CNTNAP2: variants seen among roughly 807,000 people sequenced by gnomAD.
CNTNAP2 encodes contactin associated protein 2.
A neutral mutation model predicts 155.2 loss-of-function variants in CNTNAP2; 98 were observed. That is an observed-to-expected ratio of 0.63 (90% confidence interval 0.54 to 0.75). The LOEUF (loss-of-function observed/expected upper bound fraction) is 0.75. Ranked by LOEUF, CNTNAP2 falls within the 30% of genes least tolerant of loss-of-function variation. CNTNAP2 has a pLI of 0.00. For missense variants in CNTNAP2, 1,727 were observed against 1,688.1 expected (o/e 1.02, Z -0.40); for synonymous variants, 651 against 631.2 (o/e 1.03, Z -0.47).
intron 13 of CNTNAP2, among the ~76,000 whole-genome samples, chr7:147,708,662 G>A (rs1006549541): frequency 6.6e-6 from 1 of 151,986 alleles, no homozygotes; most frequent in East Asian, 1.9e-4. Context: ...GACTGTTGGG[G>A]GTCACTCACT....
chr7:148,206,587 T>G (rs755480435), intron 18 of CNTNAP2, among the ~76,000 whole-genome samples: 9 of 152,224 alleles, frequency 5.9e-5, no homozygotes, highest in Non-Finnish European at 1.3e-4. Flanking sequence ...TACCAAGTTA[T>G]GTCCAACATC....
chr7:147,575,717 A>T (rs575514757), intron 12 of CNTNAP2, among the ~76,000 whole-genome samples: 1 of 152,010 alleles, frequency 6.6e-6, no homozygotes, highest in African/African-American at 2.4e-5. Context: ...TTTAAAATGT[A>T]TGAAAATCTC....
intron 9 of CNTNAP2, chr7:147,378,260 CTAA>C (rs1178058844): frequency 4.2e-6 from 1 of 237,686 alleles, no homozygotes; most frequent in Non-Finnish European, 8.5e-6. Context: ...CTTAATGCAA[CTAA>C]TGAGAGGTTT....
intron 21 of CNTNAP2, among the ~76,000 whole-genome samples, chr7:148,287,724 G>T (rs1418441199): frequency 1.3e-5 from 2 of 151,994 alleles, no homozygotes; most frequent in African/African-American, 4.8e-5. Context: ...CATGGTGGAG[G>T]GCATCACATG....
chr7:148,299,185 C>T (rs1293784232), intron 21 of CNTNAP2, among the ~76,000 whole-genome samples: 4 of 151,932 alleles, frequency 2.6e-5, no homozygotes, highest in East Asian at 1.9e-4. Flanking sequence ...AGAGACAGGG[C>T]TTCACCGTGT....
intron 8 of CNTNAP2, among the ~76,000 whole-genome samples, chr7:147,134,121 A>T (rs779555893): frequency 7.2e-5 from 11 of 152,036 alleles, no homozygotes; most frequent in Admixed American, 2.6e-4. Flanking sequence ...GTCTCCTTGC[A>T]GTCTCTGAGC....
At position 147,090,322 on chromosome 7, in the gene CNTNAP2, C is replaced by CGTGTGTGTGTGTGT. The variant is rs146882206; in HGVS notation, c.551-17808_551-17795dup. 4.3e-3 allele frequency among the ~76,000 whole-genome samples: 605 copies of CGTGTGTGTGTGTGT among 141,888 alleles called. 6 individuals are homozygous for CGTGTGTGTGTGTGT. Among genetic ancestry groups the CGTGTGTGTGTGTGT allele is most frequent in the African/African-American group, 0.014 (564 of 39,660 alleles). 93.1% of individuals were successfully genotyped at this position (141,888 alleles called of 152,430 possible). On this transcript the variant is annotated intron_variant, in intron 4 of 23. Transcript: ENST00000361727. ...AGAAGACTGATATAGAACATATAAG[C>CGTGTGTGTGTGTGT]GTGTGTGTGTGTGTGTGTGTGTGTG...
intron 1 of CNTNAP2, among the ~76,000 whole-genome samples, chr7:146,568,364 A>G (rs2129145482): frequency 6.6e-6 from 1 of 152,258 alleles, no homozygotes; most frequent in East Asian, 1.9e-4. Context: ...TATTCTCTTA[A>G]TTTCCTGCAG....
At chr7:146,658,354 T>C (rs960204317) in intron 1 of CNTNAP2, among the ~76,000 whole-genome samples, 1 of 150,070 alleles carries the variant, frequency 6.7e-6, no homozygotes, top group Non-Finnish European at 1.5e-5. Context: ...GGAGTTTTAA[T>C]ATGAGTTTTG....
intron 1 of CNTNAP2, among the ~76,000 whole-genome samples, chr7:146,249,062 A>T (rs1309346478): frequency 6.6e-6 from 1 of 152,078 alleles, no homozygotes; most frequent in Non-Finnish European, 1.5e-5. Flanking sequence ...ATGAGCCAGG[A>T]GAAGGAATTT....
At chr7:146,459,975 A>AAAAAC (rs886293733) in intron 1 of CNTNAP2, among the ~76,000 whole-genome samples, 1 of 152,098 alleles carries the variant, frequency 6.6e-6, no homozygotes, top group African/African-American at 2.4e-5. Context: ...ATCTCAAACA[A>AAAAAC]AAAACAAAAC....
intron 11 of CNTNAP2, among the ~76,000 whole-genome samples, chr7:147,558,340 C>A (rs961413621): frequency 1.3e-5 from 2 of 152,068 alleles, no homozygotes; most frequent in African/African-American, 4.8e-5. Context: ...TTTCAGTAAC[C>A]TACTTTTGCT....
At chr7:146,316,107 GC>G (rs1800901145) in intron 1 of CNTNAP2, among the ~76,000 whole-genome samples, 1 of 151,786 alleles carries the variant, frequency 6.6e-6, no homozygotes, top group Non-Finnish European at 1.5e-5. Flanking sequence ...AGTTAAAAAG[GC>G]CATTTGCCTT....
chr7:146,742,128 C>T (rs779683501), intron 1 of CNTNAP2, among the ~76,000 whole-genome samples: 12 of 150,288 alleles, frequency 8.0e-5, no homozygotes, highest in Non-Finnish European at 1.3e-4. Flanking sequence ...CAGTTTGTGG[C>T]ATTTTTGTCC....
At position 146,679,100 on chromosome 7, in the gene CNTNAP2, A is replaced by G. The variant is rs537606294; in HGVS notation, c.98-95171A>G. Among the ~76,000 whole-genome samples, 6 of 152,250 alleles carry G rather than the reference A, an allele frequency of 3.9e-5. No homozygotes were observed. The East Asian group carries it at 1.2e-3, about 30-fold the overall frequency. On this transcript the variant is annotated intron_variant, in intron 1 of 23. Transcript: ENST00000361727. The stretch of plus-strand genomic sequence containing the variant: ...GGAGGCCTGTTGTATAGATTATTTC[A>G]TCACCTAAATATTAAGCCTAGTACC...
intron 1 of CNTNAP2, among the ~76,000 whole-genome samples, chr7:146,643,104 T>G (rs1348925444): frequency 6.7e-6 from 1 of 148,718 alleles, no homozygotes; most frequent in Non-Finnish European, 1.5e-5. Context: ...TCCCATTTTG[T>G]AGGTTGCCTG....
At chr7:147,112,722 A>G (rs1215521638) in intron 5 of CNTNAP2, among the ~76,000 whole-genome samples, 1 of 152,206 alleles carries the variant, frequency 6.6e-6, no homozygotes, top group African/African-American at 2.4e-5. Flanking sequence ...GATGAGGCCT[A>G]CATGATTACA....
At chr7:147,893,805 T>C (rs1448184682) in intron 13 of CNTNAP2, among the ~76,000 whole-genome samples, 2 of 152,178 alleles carry the variant, frequency 1.3e-5, no homozygotes, top group African/African-American at 2.4e-5. Flanking sequence ...ATCTTGGAAG[T>C]GATTCTGTGC....
In CNTNAP2 at chr7:148,112,165, G is replaced by C. The variant is rs1195014105; in HGVS notation, c.2384-5953G>C. 3.3e-5 allele frequency among the ~76,000 whole-genome samples: 5 copies of C among 152,278 alleles called. No individual in the cohort carries two copies. The East Asian group carries it at 9.6e-4, about 29-fold the overall frequency. ...AATGTTTGAGAAGAGTTTTACTGCTGTGTTAGAGAATCTGGAGAGAATTCG... is the reference window on the plus strand; with the variant it reads ...AATGTTTGAGAAGAGTTTTACTGCTCTGTTAGAGAATCTGGAGAGAATTCG... On this transcript the variant is annotated intron_variant, in intron 15 of 23. Coordinates refer to ENST00000361727, the MANE Select transcript of CNTNAP2 (RefSeq NM_014141.6).
Sources: allele counts gnomAD v4.1 joint callset (sites outside exome capture counted in the v4.1 genomes callset), GRCh38; gene constraint gnomAD v4.1.1; transcripts MANE v1.5; gene names NCBI Gene and HGNC (gene_info 2026-07-23, HGNC 2026-07-21).